Variants in KIRREL3 observed in about 807,000 individuals in gnomAD.
The protein encoded by KIRREL3 is kirre like nephrin family adhesion molecule 3, also known as kin of IRRE-like protein 3.
KIRREL3 carries 36 observed loss-of-function variants against 89.7 expected under a neutral mutation model. The ratio of observed to expected loss-of-function variants is 0.40; its 90% CI spans 0.31 to 0.53. The LOEUF (loss-of-function observed/expected upper bound fraction) is 0.53, where lower values mean the gene tolerates loss of function less well. KIRREL3 is among the 20% of genes least tolerant of loss of function. The probability of loss-of-function intolerance (pLI) is 0.49; values close to 1 mark genes in which losing one functional copy is unlikely to be tolerated. For synonymous variants in KIRREL3, 445 were observed against 441.4 expected, an observed-to-expected ratio of 1.01 and a Z score of -0.10; for missense variants, 864 against 1,056.6, an observed-to-expected ratio of 0.82 and a Z score of 2.53.
At chr11:126,592,013 G>T (rs774218450) in intron 1 of KIRREL3, among the ~76,000 whole-genome samples, 5 of 152,066 alleles carry the variant, frequency 3.3e-5, no homozygotes, top group Admixed American at 2.6e-4. Context: ...CACGGCTGGG[G>T]GTCGCTTGCC....
Position 126,605,648 on chromosome 11 carries a change from T to C in KIRREL3, c.56-42736A>G, listed in dbSNP as rs1942858099. ...ACTTGGGTTAATGAAAGTTGTCGGT[T>C]TCACTTAATAAATACATTGCCATTC... On this transcript the variant is annotated intron_variant, in intron 1 of 16. Transcript: ENST00000525144. The surrounding 1 kb of genome is among the most constrained non-coding windows in gnomAD (Gnocchi z 5.7). Among the ~76,000 whole-genome samples, 1 of 152,210 alleles carries C rather than the reference T, an allele frequency of 6.6e-6. No individual in the cohort carries two copies. The highest frequency in any genetic ancestry group is 2.1e-4 in the South Asian group (1 of 4,830).
At chr11:126,450,609 C>T (rs1025267997) in intron 7 of KIRREL3, among the ~76,000 whole-genome samples, 13 of 114,446 alleles carry the variant, frequency 1.1e-4, no homozygotes, top group East Asian at 2.8e-4. Context: ...GTGTGTCCAT[C>T]GGCGTGTGCG....
chr11:126,732,575 G>A (rs537657439), intron 1 of KIRREL3, among the ~76,000 whole-genome samples: 1 of 152,354 alleles, frequency 6.6e-6, no homozygotes, highest in South Asian at 2.1e-4. Context: ...GGAAAGTGTA[G>A]TCAGCTGCAG....
rs1171304173 is a variant in KIRREL3, at chr11:126,837,879, A to T, written c.55+162576T>A. ...TACATCCTATCTCTCTACACTCCTAAAGCCCCAAAGAACTGCCATTTACAG... is the reference window on the plus strand; with the variant it reads ...TACATCCTATCTCTCTACACTCCTATAGCCCCAAAGAACTGCCATTTACAG... On this transcript the variant is annotated intron_variant, in intron 1 of 16. Coordinates refer to ENST00000525144, the MANE Select transcript of KIRREL3 (RefSeq NM_032531.4). This position sits in a 1 kb window ranked among gnomAD's most constrained non-coding sequence, Gnocchi z 4.7. 6.6e-6 allele frequency among the ~76,000 whole-genome samples: 1 copy of T among 152,172 alleles called. No individual in the cohort carries two copies. Among genetic ancestry groups the T allele is most frequent in the Non-Finnish European group, 1.5e-5 (1 of 68,042 alleles).
chr11:126,604,169 T>C (rs684589), intron 1 of KIRREL3, among the ~76,000 whole-genome samples: 41,189 of 152,046 alleles, frequency 0.27, 5,770 homozygotes, highest in Admixed American at 0.4. Flanking sequence ...AAGCAATAGC[T>C]TCTGTCCTTG....
At chr11:126,862,385 C>A (rs1944732686) in intron 1 of KIRREL3, among the ~76,000 whole-genome samples, 1 of 152,236 alleles carries the variant, frequency 6.6e-6, no homozygotes, top group Non-Finnish European at 1.5e-5. Flanking sequence ...CCCAGCTTCA[C>A]TGACTCTTAC....
chr11:126,863,863 C>A (rs895167647), intron 1 of KIRREL3, among the ~76,000 whole-genome samples: 1 of 152,176 alleles, frequency 6.6e-6, no homozygotes, highest in Non-Finnish European at 1.5e-5. Flanking sequence ...TGCCAAAGCT[C>A]ACACAACAAA....
intron 1 of KIRREL3, among the ~76,000 whole-genome samples, chr11:126,733,522 T>C (rs1948701734): frequency 9.7e-6 from 1 of 103,612 alleles, no homozygotes; most frequent in South Asian, 5.5e-4. Context: ...AAAGCGATCA[T>C]TGATATTCAG....
rs540601985 is a variant in KIRREL3, at chr11:126,568,824, A to G, written c.56-5912T>C. 2.0e-5 allele frequency among the ~76,000 whole-genome samples: 3 copies of G among 151,780 alleles called. No homozygotes were observed. The highest frequency in any genetic ancestry group is 4.4e-5 in the Non-Finnish European group (3 of 67,950). On this transcript the variant is annotated intron_variant, in intron 1 of 16. Coordinates refer to ENST00000525144, the MANE Select transcript of KIRREL3 (RefSeq NM_032531.4). This position sits in a 1 kb window ranked among gnomAD's most constrained non-coding sequence, Gnocchi z 4.6. ...AAATAGAAACAAAATACCAAATTCT[A>G]CCCCCCTCGTTTTTTTCTTTTTCAG...
At chr11:126,759,350 G>A (rs189468386) in intron 1 of KIRREL3, among the ~76,000 whole-genome samples, 6 of 152,226 alleles carry the variant, frequency 3.9e-5, no homozygotes, top group East Asian at 1.9e-4. Flanking sequence ...GGTTGGTCTC[G>A]AACTCCTGAC....
chr11:126,923,129 C>CTTTTCTTCT (rs1555090094), intron 1 of KIRREL3, among the ~76,000 whole-genome samples: 1 of 25,732 alleles, frequency 3.9e-5, no homozygotes, highest in African/African-American at 1.9e-4. Context: ...TCTCCTTCTT[C>CTTTTCTTCT]TCTTCTTCTT....
chr11:126,727,602 CG>C (rs532886103), intron 1 of KIRREL3, among the ~76,000 whole-genome samples: 5 of 152,126 alleles, frequency 3.3e-5, no homozygotes, highest in African/African-American at 9.7e-5. Flanking sequence ...CCAGCTCCCT[CG>C]GGGGGGTCTG....
intron 1 of KIRREL3, among the ~76,000 whole-genome samples, chr11:126,889,446 C>T (rs769636846): frequency 1.8e-4 from 27 of 152,202 alleles, no homozygotes; most frequent in Non-Finnish European, 3.4e-4. Context: ...TGTGGAGGCA[C>T]CATGATTTGT....
In KIRREL3 at chr11:126,943,033, A is replaced by G. The variant is rs1948506732; in HGVS notation, c.55+57422T>C. 6.6e-6 allele frequency among the ~76,000 whole-genome samples: 1 copy of G among 152,156 alleles called. No homozygotes were observed. Among genetic ancestry groups the G allele is most frequent in the East Asian group, 1.9e-4 (1 of 5,198 alleles). ...GAACATTAAAAGATTTTATTCTAAG[A>G]TATTCCCTCCAATCCCCACCCACTG... is the stretch of plus-strand genomic sequence containing the variant. On this transcript the variant is annotated intron_variant, in intron 1 of 16. Coordinates refer to ENST00000525144, the MANE Select transcript of KIRREL3 (RefSeq NM_032531.4). The surrounding 1 kb of genome is among the most constrained non-coding windows in gnomAD (Gnocchi z 4.2).
rs111873921 is a variant in KIRREL3 at position 126,557,612 on chromosome 11, C to G, written c.133+5223G>C. Among the ~76,000 whole-genome samples, 1 of 152,112 alleles carries G rather than the reference C, an allele frequency of 6.6e-6. No individual in the cohort carries two copies. The highest frequency in any genetic ancestry group is 2.4e-5 in the African/African-American group (1 of 41,418). ...GCTGTGGGGCACCTCTCTTTCTATA[C>G]GAGGAAACAGTAGAAGCTTTAGACT... On this transcript the variant is annotated intron_variant, in intron 2 of 16. Transcript: ENST00000525144. The surrounding 1 kb of genome is among the most constrained non-coding windows in gnomAD (Gnocchi z 5.6).
At chr11:126,554,738 C>T (rs1038150988) in intron 2 of KIRREL3, among the ~76,000 whole-genome samples, 1 of 152,158 alleles carries the variant, frequency 6.6e-6, no homozygotes, top group Non-Finnish European at 1.5e-5. Flanking sequence ...CTAAACCCCA[C>T]CCTTAAGCCT....
At chr11:126,852,534 C>A (rs1944378234) in intron 1 of KIRREL3, among the ~76,000 whole-genome samples, 1 of 152,096 alleles carries the variant, frequency 6.6e-6, no homozygotes, top group Non-Finnish European at 1.5e-5. Context: ...TATCTGGAGA[C>A]CGTAAGTCCT....
In KIRREL3 at chr11:126,686,284, T is replaced by C. The variant is rs1264420819; in HGVS notation, c.56-123372A>G. 6.6e-6 allele frequency among the ~76,000 whole-genome samples: 1 copy of C among 152,190 alleles called. No homozygotes were observed. Among genetic ancestry groups the C allele is most frequent in the African/African-American group, 2.4e-5 (1 of 41,454 alleles). ...TTTCCCAAGGCCTGCTCCAGACTGG[T>C]GGCCTTTTTATGGAGGTTAGCATTC... On this transcript the variant is annotated intron_variant, in intron 1 of 16. Coordinates refer to ENST00000525144, the MANE Select transcript of KIRREL3 (RefSeq NM_032531.4). The surrounding 1 kb of genome is among the most constrained non-coding windows in gnomAD (Gnocchi z 4.7).
intron 11 of KIRREL3, among the ~76,000 whole-genome samples, chr11:126,438,304 T>A (rs1184846384): frequency 6.6e-6 from 1 of 152,274 alleles, no homozygotes; most frequent in Non-Finnish European, 1.5e-5. Flanking sequence ...TTAACAGTTT[T>A]CAGAGCCGGC....
Sources: allele counts gnomAD v4.1 joint callset (sites outside exome capture counted in the v4.1 genomes callset), GRCh38; gene constraint gnomAD v4.1.1; non-coding constraint Gnocchi (gnomAD v3.1); transcripts MANE v1.5; gene names NCBI Gene and HGNC (gene_info 2026-07-23, HGNC 2026-07-21).